CACNA1C: variants seen among roughly 807,000 people sequenced by gnomAD.
CACNA1C encodes the protein voltage-dependent L-type calcium channel subunit alpha-1C.
In CACNA1C, 30 loss-of-function variants were observed where a neutral mutation model predicts 229.0. That is an observed-to-expected ratio of 0.13 (90% CI 0.10 to 0.18). CACNA1C has a LOEUF of 0.18. CACNA1C is among the 10% of genes least tolerant of loss of function. The pLI is 1.00. For synonymous variants in CACNA1C, 1,114 were observed against 1,132.5 expected, an observed-to-expected ratio of 0.98 and a Z score of 0.33; for missense variants, 1,658 against 2,845.0, an observed-to-expected ratio of 0.58 and a Z score of 9.49.
intron 1 of CACNA1C, among the ~76,000 whole-genome samples, chr12:2,073,449 C>A (rs530414302): frequency 6.6e-6 from 1 of 152,104 alleles, no homozygotes; most frequent in Non-Finnish European, 1.5e-5. Context: ...CCTTGCTGCA[C>A]TGTTCTTGCT....
At chr12:2,010,361 G>A (rs1259615339) in intron 1 of CACNA1C, among the ~76,000 whole-genome samples, 1 of 152,144 alleles carries the variant, frequency 6.6e-6, no homozygotes, top group Non-Finnish European at 1.5e-5. Flanking sequence ...AGATAATGGG[G>A]TGAAGACTGG....
At position 2,246,611 on chromosome 12, in the gene CACNA1C, C is replaced by T. The variant is rs1438004898; in HGVS notation, c.477+126181C>T. Reference sequence around the variant, plus strand: ...GTATAGATGAGAAAACTGAGGCACACCGAGGGTAGGTCGTCAGGTCCCGTG... The same window carrying T: ...GTATAGATGAGAAAACTGAGGCACATCGAGGGTAGGTCGTCAGGTCCCGTG... On this transcript the variant is annotated intron_variant, in intron 3 of 46. Coordinates refer to ENST00000399655, the MANE Select transcript of CACNA1C (RefSeq NM_000719.7). Among the ~76,000 whole-genome samples the T allele has an allele frequency of 2.0e-5, 3 of 152,268 alleles. No individual in the cohort carries two copies. In the East Asian group the frequency reaches 5.8e-4, roughly 29 times the overall value.
chr12:2,493,274 C>T lies in CACNA1C; in HGVS notation c.1001C>T (p.Pro334Leu). 1 of 1,614,052 alleles carries T rather than the reference C, an allele frequency of 6.2e-7. No individual in the cohort carries two copies. Among genetic ancestry groups the T allele is most frequent in the Non-Finnish European group, 8.5e-7 (1 of 1,179,904 alleles). Residue 334 changes from proline to leucine, a missense_variant, in exon 7 of 47, where the codon CCC becomes CTC. Physicochemically the swap from Pro to Leu is moderately conservative, Grantham distance 98. Coordinates refer to ENST00000399655, the MANE Select transcript of CACNA1C (RefSeq NM_000719.7). The surrounding 1 kb of genome is among the most constrained non-coding windows in gnomAD (Gnocchi z 4.6). Reference sequence around the variant, plus strand: ...TGCCAGAACGGCACGGTGTGCAAGCCCGGCTGGGATGGTCCCAAGCACGGC... The same window carrying T: ...TGCCAGAACGGCACGGTGTGCAAGCTCGGCTGGGATGGTCCCAAGCACGGC... Reference protein sequence around the residue: ...RQCQNGTVCKPGWDGPKHGIT... With the variant: ...RQCQNGTVCKLGWDGPKHGIT...
intron 3 of CACNA1C, among the ~76,000 whole-genome samples, chr12:2,408,649 G>T (rs1044567731): frequency 2.0e-5 from 3 of 151,972 alleles, no homozygotes; most frequent in African/African-American, 7.3e-5. Context: ...TACATATAAC[G>T]TACAGGGATT....
At chr12:2,545,229 T>G (rs2099878941) in intron 9 of CACNA1C, among the ~76,000 whole-genome samples, 1 of 140,128 alleles carries the variant, frequency 7.1e-6, no homozygotes, top group South Asian at 2.2e-4. Flanking sequence ...TTTTTTTTTT[T>G]GCTCAGCTCA....
At chr12:2,511,024 G>T (rs945835320) in intron 8 of CACNA1C, among the ~76,000 whole-genome samples, 2 of 152,148 alleles carry the variant, frequency 1.3e-5, no homozygotes, top group African/African-American at 4.8e-5. Flanking sequence ...CTGTCAATCT[G>T]TCCCTTTTCC....
In CACNA1C at chr12:2,136,654, A is replaced by G. The variant is rs1273206655; in HGVS notation, c.477+16224A>G. Among the ~76,000 whole-genome samples the G allele has an allele frequency of 1.3e-5, 2 of 151,128 alleles. 1 individual carries two copies. The highest frequency in any genetic ancestry group is 4.8e-5 in the African/African-American group (2 of 41,336). The stretch of plus-strand genomic sequence containing the variant: ...CGTCCCCAGGCTGGGTGGTGTCTGT[A>G]GGGGTCCTGGGGGCATGCCATGGAG... On this transcript the variant is annotated intron_variant, in intron 3 of 46. Transcript: ENST00000399655.
At position 2,275,885 on chromosome 12, in the gene CACNA1C, A is replaced by G. The variant is rs1259126942; in HGVS notation, c.477+155455A>G. On this transcript the variant is annotated intron_variant, in intron 3 of 46. Transcript: ENST00000399655. This position sits in a 1 kb window ranked among gnomAD's most constrained non-coding sequence, Gnocchi z 4.1. ...TCAAAAAACATGGGTTTTGAGCCAG[A>G]CGGAAAGTCATCAAGCCCAGTTACA... 6.6e-6 allele frequency among the ~76,000 whole-genome samples: 1 copy of G among 152,076 alleles called. No homozygotes were observed. Among genetic ancestry groups the G allele is most frequent in the Non-Finnish European group, 1.5e-5 (1 of 68,006 alleles).
At chr12:2,137,268 C>T (rs138050655) in intron 3 of CACNA1C, among the ~76,000 whole-genome samples, 7 of 151,282 alleles carry the variant, frequency 4.6e-5, no homozygotes, top group African/African-American at 1.2e-4. Context: ...CCTGGTGGCA[C>T]GGCCTTGTCA....
chr12:2,284,119 C>G (rs555456170), intron 3 of CACNA1C, among the ~76,000 whole-genome samples: 3 of 152,156 alleles, frequency 2.0e-5, no homozygotes, highest in African/African-American at 7.2e-5. Context: ...CCCCCTAGCT[C>G]GTCCCTGGCC....
intron 27 of CACNA1C, 72 bp from the exon 28 acceptor site, chr12:2,610,469 C>T (rs1338990121): frequency 6.6e-7 from 1 of 1,505,344 alleles, no homozygotes; most frequent in African/African-American, 1.4e-5. Context: ...ACATCCCACA[C>T]TTCTCTGCCA....
At chr12:2,565,689 T>C (rs957924335) in intron 11 of CACNA1C, among the ~76,000 whole-genome samples, 71 of 152,186 alleles carry the variant, frequency 4.7e-4, no homozygotes, top group Non-Finnish European at 1.9e-4. Context: ...GTGTGCTGTG[T>C]GGGCTCTCAA....
intron 5 of CACNA1C, among the ~76,000 whole-genome samples, chr12:2,484,648 G>A (rs561319025): frequency 6.6e-6 from 1 of 152,226 alleles, no homozygotes; most frequent in South Asian, 2.1e-4. Context: ...TCATGCCTGG[G>A]TAGCCCAGAT....
chr12:2,485,664 G>A (rs911871100), intron 5 of CACNA1C, among the ~76,000 whole-genome samples: 1 of 152,148 alleles, frequency 6.6e-6, no homozygotes, highest in African/African-American at 2.4e-5. Context: ...TCACCATCCA[G>A]CTCTGGGACT....
chr12:2,394,255 T>C (rs2098535615), intron 3 of CACNA1C, among the ~76,000 whole-genome samples: 1 of 152,212 alleles, frequency 6.6e-6, no homozygotes, highest in South Asian at 2.1e-4. Flanking sequence ...ATGTGGCTTC[T>C]CTCTGGTATG....
intron 3 of CACNA1C, among the ~76,000 whole-genome samples, chr12:2,237,819 A>G (rs2068028538): frequency 6.6e-6 from 1 of 152,240 alleles, no homozygotes; most frequent in Admixed American, 6.5e-5. Context: ...AAACTTCAGG[A>G]AAGAGCATCC....
Position 2,054,207 on chromosome 12 carries a change from C to G in CACNA1C, c.49+596C>G, listed in dbSNP as rs1024512823. On this transcript the variant is annotated intron_variant, in intron 1 of 46. Transcript: ENST00000399655. This position sits in a 1 kb window ranked among gnomAD's most constrained non-coding sequence, Gnocchi z 5.5. ...CAGATGTGAAGCCCAGCGCGCCCCT[C>G]TGGTTCCCCCTCTGTAGGTCCCCTT... Among the ~76,000 whole-genome samples, 5 of 152,052 alleles carry G rather than the reference C, an allele frequency of 3.3e-5. No individual in the cohort carries two copies. The highest frequency in any genetic ancestry group is 1.2e-4 in the African/African-American group (5 of 41,460).
intron 3 of CACNA1C, among the ~76,000 whole-genome samples, chr12:2,315,318 G>T (rs2095633897): frequency 1.3e-5 from 2 of 152,174 alleles, no homozygotes; most frequent in Non-Finnish European, 2.9e-5. Context: ...CTTTCCTTTT[G>T]TGCCAACAAT....
At chr12:2,631,110 C>T (rs1408762060) in intron 29 of CACNA1C, among the ~76,000 whole-genome samples, 1 of 152,182 alleles carries the variant, frequency 6.6e-6, no homozygotes, top group Non-Finnish European at 1.5e-5. Context: ...GTTTTCAACA[C>T]CAAACCTTTG....
Sources: gnomAD v4.1 joint callset for allele counts (sites outside exome capture counted in the v4.1 genomes callset) on GRCh38, gnomAD v4.1.1 for gene constraint, Gnocchi (gnomAD v3.1) non-coding constraint, MANE v1.5 for transcripts, NCBI Gene and HGNC (gene_info 2026-07-23, HGNC 2026-07-21) for gene names.